The following ZNF503 variants were observed in gnomAD, a reference collection of about 807,000 sequenced individuals.
ZNF503 encodes zinc finger protein 503, also known as NocA-like zinc finger 2.
Under a neutral mutation model 34.4 loss-of-function variants are expected in ZNF503, and 15 were observed. The ratio of observed to expected loss-of-function variants is 0.44; its 90% CI spans 0.29 to 0.67. ZNF503 has a LOEUF of 0.67. Ranked by LOEUF, ZNF503 falls within the 30% of genes least tolerant of loss-of-function variation. ZNF503 has a pLI of 0.13. For synonymous variants in ZNF503, 580 were observed against 456.8 expected (o/e 1.27, Z -3.44); for missense variants, 1,007 against 926.8 (o/e 1.09, Z -1.12).
Position 75,401,242 on chromosome 10 carries a change from C to A in ZNF503, c.178G>T (p.Val60Leu), listed in dbSNP as rs755269789. ...TGGCGCAGGGGGTCAGAGGGGGGCACGGCGTGCACAAAAGGCTTGGTGCTG... is the reference window on the plus strand; with the variant it reads ...TGGCGCAGGGGGTCAGAGGGGGGCAAGGCGTGCACAAAAGGCTTGGTGCTG... ...AGSTKPFVHA[V>L]PPSDPLRQAN... The change falls in exon 1 of 2, where the codon GTG (valine) becomes TTG (leucine). Residue 60 changes from valine (V) to leucine (L), a missense_variant. Transcript: ENST00000372524. 3 of 1,607,072 alleles carry A rather than the reference C, an allele frequency of 1.9e-6. No homozygotes were observed. The East Asian group carries it at 6.7e-5, about 36-fold the overall frequency.
At chr10:75,341,866 A>G in the ZNF503 span, among the ~76,000 whole-genome samples, 1 of 152,164 alleles carries the variant, frequency 6.6e-6, no homozygotes, top group Admixed American at 6.5e-5. Context: ...GCTCCCACCC[A>G]GGCAAGTTCC....
At chr10:75,358,823 T>C in the ZNF503 span, 2 of 152,254 alleles carry the variant, frequency 1.3e-5, no homozygotes, top group African/African-American at 4.8e-5. Context: ...GCCCTAAGGC[T>C]GCGCTAACAT....
chr10:75,319,479 T>TA, the ZNF503 span, among the ~76,000 whole-genome samples: 1 of 152,042 alleles, frequency 6.6e-6, no homozygotes, highest in Non-Finnish European at 1.5e-5. Flanking sequence ...GAGCAGCCAC[T>TA]AAAAAAGCTA....
the ZNF503 span, among the ~76,000 whole-genome samples, chr10:75,313,278 C>T: frequency 6.6e-6 from 1 of 152,140 alleles, no homozygotes; most frequent in African/African-American, 2.4e-5. Context: ...CCAATGGACA[C>T]GTTCCAACAC....
rs761662001 is a variant in ZNF503 at position 75,401,236 on chromosome 10, G to A, written c.184C>T (p.Pro62Ser). The A allele has an allele frequency of 2.5e-6, 4 of 1,607,760 alleles. No individual in the cohort carries two copies. The highest frequency in any genetic ancestry group is 8.5e-7 in the Non-Finnish European group (1 of 1,176,960). Reference sequence around the variant, plus strand: ...TTGGCCTGGCGCAGGGGGTCAGAGGGGGGCACGGCGTGCACAAAAGGCTTG... The same window carrying A: ...TTGGCCTGGCGCAGGGGGTCAGAGGAGGGCACGGCGTGCACAAAAGGCTTG... The part of the protein sequence containing the change: ...STKPFVHAVP[P>S]SDPLRQANRL... The change falls in exon 1 of 2, where the codon CCC becomes TCC. Residue 62 changes from proline to serine, a missense_variant. Pro to Ser is a moderately conservative substitution (Grantham distance 74). Transcript: ENST00000372524.
the ZNF503 span, among the ~76,000 whole-genome samples, chr10:75,330,016 A>C: frequency 6.6e-6 from 1 of 152,168 alleles, no homozygotes; most frequent in Non-Finnish European, 1.5e-5. Context: ...TTTATTGGTT[A>C]AGGTATGTTC....
chr10:75,349,872 A>C, the ZNF503 span, among the ~76,000 whole-genome samples: 1 of 152,238 alleles, frequency 6.6e-6, no homozygotes, highest in Non-Finnish European at 1.5e-5. Context: ...GAGTCCATGG[A>C]CCAGTGTCAC....
At chr10:75,321,680 T>C in the ZNF503 span, among the ~76,000 whole-genome samples, 1 of 152,146 alleles carries the variant, frequency 6.6e-6, no homozygotes, top group Admixed American at 6.5e-5. Context: ...ACTTTGAACT[T>C]GGGAGTGATG....
chr10:75,400,486 C>T, intron 1 of ZNF503, 112 bp from the exon 2 acceptor site: 2 of 1,440,962 alleles, frequency 1.4e-6, no homozygotes, highest in Non-Finnish European at 1.8e-6. Context: ...CACGAAGATC[C>T]TCCCAGCCCC....
At chr10:75,282,159 C>G in the ZNF503 span, among the ~76,000 whole-genome samples, 7 of 152,198 alleles carry the variant, frequency 4.6e-5, no homozygotes, top group African/African-American at 1.4e-4. Context: ...GGAGGTGAAT[C>G]ATGATTGGTC....
At chr10:75,380,132 G>A in the ZNF503 span, among the ~76,000 whole-genome samples, 1 of 152,234 alleles carries the variant, frequency 6.6e-6, no homozygotes, top group Non-Finnish European at 1.5e-5. Flanking sequence ...GCATGAGGGA[G>A]AGGGAAGAAC....
chr10:75,387,156 G>T, the ZNF503 span, among the ~76,000 whole-genome samples: 9 of 152,246 alleles, frequency 5.9e-5, no homozygotes, highest in Non-Finnish European at 1.5e-5. Flanking sequence ...CTCTGGCCTT[G>T]AGGGCTTCCC....
rs1056916068 is a variant in ZNF503, at chr10:75,401,686, C to A, written c.-267G>T. The A allele has an allele frequency of 3.1e-5, 14 of 451,342 alleles. No individual in the cohort carries two copies. The highest frequency in any genetic ancestry group is 2.9e-4 in the African/African-American group (14 of 47,576). 28.0% of individuals were successfully genotyped at this position (451,342 alleles called of 1,614,324 possible). Reference sequence around the variant, plus strand: ...CTCGCGGTGTCCGCCTCGGGCTGCTCCCCTGCGCTGCGTTCTCGCGGCCCC... The same window carrying A: ...CTCGCGGTGTCCGCCTCGGGCTGCTACCCTGCGCTGCGTTCTCGCGGCCCC... On this transcript the variant is annotated 5_prime_UTR_variant, in exon 1 of 2. Transcript: ENST00000372524.
chr10:75,401,178 G>C lies in ZNF503; in HGVS notation c.242C>G (p.Thr81Arg). 1.9e-6 allele frequency: 3 copies of C among 1,610,804 alleles called. No individual in the cohort carries two copies. Among genetic ancestry groups the C allele is most frequent in the Non-Finnish European group, 1.7e-6 (2 of 1,178,170 alleles). Residue 81 changes from threonine (T) to arginine (R), a missense_variant, in exon 1 of 2, where the codon ACG (threonine) becomes AGG (arginine). Coordinates refer to ENST00000372524, the MANE Select transcript of ZNF503 (RefSeq NM_032772.6). ...RLPIKVLKML[T>R]ARTGHILHPE... ...GTGCAAAATGTGGCCAGTTCGTGCC[G>C]TCAGCATCTTCAGCACCTTGATTGG...
At chr10:75,343,068 G>C in the ZNF503 span, among the ~76,000 whole-genome samples, 2 of 152,264 alleles carry the variant, frequency 1.3e-5, no homozygotes, top group Admixed American at 6.5e-5. Flanking sequence ...AGGCAAAATG[G>C]GGGGAAGGAG....
At chr10:75,296,605 G>T in the ZNF503 span, 1 of 152,216 alleles carries the variant, frequency 6.6e-6, no homozygotes, top group African/African-American at 2.4e-5. Context: ...CCAGCCTGGT[G>T]GAGATGAATG....
Position 75,398,825 on chromosome 10 carries a change from G to T in ZNF503, c.1865C>A (p.Ala622Asp). 1.3e-6 allele frequency: 2 copies of T among 1,499,848 alleles called. No individual in the cohort carries two copies. The highest frequency in any genetic ancestry group is 8.8e-7 in the Non-Finnish European group (1 of 1,130,782). 92.9% of individuals were successfully genotyped at this position (1,499,848 alleles called of 1,614,324 possible). The stretch of plus-strand genomic sequence containing the variant: ...GTAGGGGGAGTAGTACGGTCCGGTG[G>T]CGGCGGGCACCGGCACGGGGGCGCC... ...TPGAPVPVPAATGPYYSPYAL... is the reference protein window; with the variant it reads ...TPGAPVPVPADTGPYYSPYAL... The change falls in exon 2 of 2, where the codon GCC becomes GAC. Residue 622 changes from alanine to aspartate, a missense_variant. Physicochemically the swap from Ala to Asp is moderately radical, Grantham distance 126 (BLOSUM62 -2). Transcript: ENST00000372524.
chr10:75,379,529 A>G, the ZNF503 span, among the ~76,000 whole-genome samples: 2 of 152,226 alleles, frequency 1.3e-5, no homozygotes, highest in Non-Finnish European at 1.5e-5. Context: ...TCCATGTCAC[A>G]ATAAATCACT....
intron 1 of ZNF503, 63 bp from the exon 2 acceptor site, chr10:75,400,437 T>G: frequency 2.7e-6 from 4 of 1,507,148 alleles, no homozygotes; most frequent in Non-Finnish European, 3.5e-6. Flanking sequence ...CCCTTTAGAA[T>G]CCTGGCTTCT....
Sources: gnomAD v4.1 joint callset for allele counts (sites outside exome capture counted in the v4.1 genomes callset) on GRCh38, gnomAD v4.1.1 for gene constraint, MANE v1.5 for transcripts, NCBI Gene and HGNC (gene_info 2026-07-23, HGNC 2026-07-21) for gene names.